Variants in PLEKHA8 observed in about 807,000 individuals in gnomAD.
The protein encoded by PLEKHA8 is pleckstrin homology domain-containing family A member 8.
In PLEKHA8, 36 loss-of-function variants were observed where a neutral mutation model predicts 68.2. The ratio of observed to expected loss-of-function variants is 0.53; its 90% CI spans 0.40 to 0.70. PLEKHA8 has a LOEUF of 0.70. Ranked by LOEUF, PLEKHA8 falls within the 30% of genes least tolerant of loss-of-function variation. PLEKHA8 has a pLI of 0.00. For missense variants in PLEKHA8, 505 were observed against 615.4 expected, an observed-to-expected ratio of 0.82 and a Z score of 1.90; for synonymous variants, 211 against 216.1, an observed-to-expected ratio of 0.98 and a Z score of 0.20.
intron 13 of PLEKHA8, among the ~76,000 whole-genome samples, chr7:30,074,551 G>C (rs144395389): frequency 6.6e-6 from 1 of 152,148 alleles, no homozygotes; most frequent in Non-Finnish European, 1.5e-5. Context: ...GCAGAAGTAC[G>C]TAGGAAGCAG....
At position 30,081,652 on chromosome 7, in the gene PLEKHA8, C is replaced by G; in HGVS notation, c.*2865C>G. Reference sequence around the variant, plus strand: ...TAGTATTTTGTTGGCAGAGTAATCACTTTGTTCTCATCGCTCAAAGCATTT... The same window carrying G: ...TAGTATTTTGTTGGCAGAGTAATCAGTTTGTTCTCATCGCTCAAAGCATTT... On this transcript the variant is annotated 3_prime_UTR_variant, in exon 14 of 14. Transcript: ENST00000449726. The G allele has an allele frequency of 1.0e-6, 1 of 985,276 alleles. No homozygotes were observed. The highest frequency in any genetic ancestry group is 1.2e-6 in the Non-Finnish European group (1 of 829,812). 61.0% of individuals were successfully genotyped at this position (985,276 alleles called of 1,614,324 possible).
rs1234987772 is a variant in PLEKHA8 at position 30,116,198 on chromosome 7, AC to A, written c.1363-13067del. Among the ~76,000 whole-genome samples, 4 of 150,658 alleles carry A rather than the reference AC, an allele frequency of 2.7e-5. No individual in the cohort carries two copies. In the East Asian group the frequency reaches 7.9e-4, roughly 30 times the overall value. ...CATATGTATACATACGCATACATAC[AC>A]GTATACATGTATACATATGTATATA... On this transcript the variant is annotated intron_variant, in intron 13 of 13. Coordinates refer to the PLEKHA8 transcript ENST00000396257.
intron 13 of PLEKHA8, chr7:30,117,951 G>C: frequency 6.6e-7 from 1 of 1,506,504 alleles, no homozygotes; most frequent in Non-Finnish European, 8.9e-7. Context: ...AAACTGAGAC[G>C]TGGATTCATT....
intron 12 of PLEKHA8, among the ~76,000 whole-genome samples, chr7:30,063,112 G>A (rs370477684): frequency 3.7e-4 from 56 of 152,296 alleles, no homozygotes; most frequent in African/African-American, 1.3e-3. Flanking sequence ...CCATAACAGC[G>A]GGTTGGCGTG....
intron 7 of PLEKHA8, among the ~76,000 whole-genome samples, chr7:30,053,704 A>G (rs192500018): frequency 6.6e-6 from 1 of 152,196 alleles, no homozygotes; most frequent in Non-Finnish European, 1.5e-5. Context: ...AGTTAGATTT[A>G]AGGAGAAAGA....
chr7:30,068,416 G>C (rs1562528128), intron 12 of PLEKHA8, among the ~76,000 whole-genome samples: 1 of 152,166 alleles, frequency 6.6e-6, no homozygotes, highest in Non-Finnish European at 1.5e-5. Context: ...ATTTGTGCCT[G>C]ATGGCTGTAA....
chr7:30,107,921 T>C (rs1273519246), intron 13 of PLEKHA8, among the ~76,000 whole-genome samples: 3 of 151,866 alleles, frequency 2.0e-5, no homozygotes, highest in Non-Finnish European at 4.4e-5. Context: ...ATACAGAAAT[T>C]AGCTGGGTGT....
At chr7:30,121,336 TAC>T (rs35265598) in intron 13 of PLEKHA8, among the ~76,000 whole-genome samples, 21,476 of 152,012 alleles carry the variant, frequency 0.14, 1,519 homozygotes, top group Middle Eastern at 0.19. Flanking sequence ...ATGAAAAACT[TAC>T]AGTTTATTGG....
intron 13 of PLEKHA8, among the ~76,000 whole-genome samples, chr7:30,126,223 CAAGA>C (rs1194208203): frequency 1.4e-5 from 2 of 147,508 alleles, no homozygotes; most frequent in Non-Finnish European, 3.0e-5. Flanking sequence ...TGTCTTCAAC[CAAGA>C]AAGACAGTCT....
chr7:30,056,511 C>T (rs1792945011), intron 9 of PLEKHA8, among the ~76,000 whole-genome samples: 1 of 147,854 alleles, frequency 6.8e-6, no homozygotes, highest in Non-Finnish European at 1.5e-5. Context: ...GGCGGATCAC[C>T]TGAGATGAGG....
intron 9 of PLEKHA8, among the ~76,000 whole-genome samples, chr7:30,056,742 AGTGTGTG>A (rs1452147916): frequency 0.021 from 1,562 of 74,696 alleles, 22 homozygotes; most frequent in Middle Eastern, 0.028. Flanking sequence ...AAAAAAAAAA[AGTGTGTG>A]TGTGTGTGTG....
At chr7:30,086,262 G>A (rs1490690755), downstream of PLEKHA8, among the ~76,000 whole-genome samples, 1 of 152,210 alleles carries the variant, frequency 6.6e-6, no homozygotes, top group Non-Finnish European at 1.5e-5. Context: ...TCTAAGTTGT[G>A]AGCAGTACCC....
exon 13 of PLEKHA8, chr7:30,090,257 C>T (rs1477379459): frequency 6.7e-7 from 1 of 1,496,938 alleles, no homozygotes; most frequent in African/African-American, 1.4e-5. Flanking sequence ...AAAAGCAAGT[C>T]ACCAAGGGAC....
intron 1 of PLEKHA8, among the ~76,000 whole-genome samples, chr7:30,042,121 G>A (rs1173195818): frequency 4.6e-5 from 7 of 152,140 alleles, no homozygotes; most frequent in Admixed American, 6.5e-5. Flanking sequence ...TTCCTCCTGC[G>A]ACTGCCTTGA....
chr7:30,116,188 GCATA>G (rs1796542179), intron 13 of PLEKHA8, among the ~76,000 whole-genome samples: 1 of 147,570 alleles, frequency 6.8e-6, no homozygotes, highest in Non-Finnish European at 1.5e-5. Flanking sequence ...GTATACATAC[GCATA>G]CATACACGTA....
At chr7:30,111,849 A>G (rs945375476) in intron 13 of PLEKHA8, among the ~76,000 whole-genome samples, 3 of 152,238 alleles carry the variant, frequency 2.0e-5, no homozygotes, top group African/African-American at 7.2e-5. Context: ...ATGACTGTGT[A>G]TAAGTATATA....
chr7:30,129,436 A>G lies in PLEKHA8; in HGVS notation c.*165A>G, dbSNP rs1015743868. ...CACTGCCCACCTCCAGATCTCATTC[A>G]TGTGAAACAAAGAGAAACTTTATCT... On this transcript the variant is annotated 3_prime_UTR_variant, in exon 14 of 14. Transcript: ENST00000396257. 5.7e-6 allele frequency: 6 copies of G among 1,045,168 alleles called. No individual in the cohort carries two copies. The South Asian group carries it at 6.0e-5, about 10-fold the overall frequency. 64.7% of individuals were successfully genotyped at this position (1,045,168 alleles called of 1,614,324 possible). A position where few individuals can be genotyped will look rare whatever the true frequency, so the allele number is the denominator to read the frequency against.
chr7:30,079,966 G>A lies in PLEKHA8; in HGVS notation c.*1179G>A. 2.0e-6 allele frequency: 2 copies of A among 984,776 alleles called. No individual in the cohort carries two copies. The highest frequency in any genetic ancestry group is 1.1e-4 in the East Asian group (1 of 8,794). 61.0% of individuals were successfully genotyped at this position (984,776 alleles called of 1,614,324 possible). ...AATAGCTAAATGGAGAGTGAGAAGT[G>A]GAGCAGGTTCATTCAGCAGCATTCT... On this transcript the variant is annotated 3_prime_UTR_variant, in exon 14 of 14. Coordinates refer to ENST00000449726, the MANE Select transcript of PLEKHA8 (RefSeq NM_001197026.2).
exon 14 of PLEKHA8, chr7:30,129,469 G>T: frequency 1.3e-6 from 1 of 785,182 alleles, no homozygotes. Flanking sequence ...TCTTGTTCAA[G>T]TCACTTTAGT....
Sources: allele counts gnomAD v4.1 joint callset (sites outside exome capture counted in the v4.1 genomes callset), GRCh38; gene constraint gnomAD v4.1.1; transcripts MANE v1.5; gene names NCBI Gene and HGNC (gene_info 2026-07-23, HGNC 2026-07-21).